The following FGF1 variants were observed in gnomAD, a reference collection of about 807,000 sequenced individuals.
The protein encoded by FGF1 is beta-endothelial cell growth factor.
FGF1 carries 9 observed loss-of-function variants against 13.4 expected under a neutral mutation model. The ratio of observed to expected loss-of-function variants is 0.67; its 90% CI spans 0.40 to 1.17. The LOEUF (loss-of-function observed/expected upper bound fraction) is 1.17, where lower values mean the gene tolerates loss of function less well. Among genes scored for constraint, FGF1 ranks in the 50% most tolerant of loss-of-function variants. FGF1 has a pLI of 0.01. For synonymous variants in FGF1, 93 were observed against 79.0 expected (o/e 1.18, Z -0.94); for missense variants, 156 against 192.7 (o/e 0.81, Z 1.13).
intron 1 of FGF1, chr5:142,621,360 T>C (rs7734065): frequency 2.9e-5 from 4 of 138,408 alleles, no homozygotes; most frequent in African/African-American, 1.1e-4. Context: ...CTTTTTCTCT[T>C]TCTCTTTCTC....
At chr5:142,627,246 T>C (rs1762605318) in intron 1 of FGF1, 1 of 152,164 alleles carries the variant, frequency 6.6e-6, no homozygotes, top group Admixed American at 6.5e-5. Flanking sequence ...TATTTGCTGT[T>C]CCTCTATCAT....
chr5:142,604,912 C>T (rs1757314266), intron 2 of FGF1, among the ~76,000 whole-genome samples: 1 of 152,164 alleles, frequency 6.6e-6, no homozygotes, highest in African/African-American at 2.4e-5. Flanking sequence ...TTCAAGATCA[C>T]ACATGGACAA....
At chr5:142,597,201 C>A (rs975814469) in intron 3 of FGF1, among the ~76,000 whole-genome samples, 13 of 152,174 alleles carry the variant, frequency 8.5e-5, no homozygotes, top group Non-Finnish European at 1.8e-4. Context: ...CAATATGTAT[C>A]AAAATTTACA....
chr5:142,600,906 A>G, intron 2 of FGF1, 101 bp from the exon 3 acceptor site: 1 of 769,564 alleles, frequency 1.3e-6, no homozygotes, highest in Non-Finnish European at 2.2e-6. Context: ...CTGCTCATTC[A>G]TTTCACGGAG....
intron 2 of FGF1, among the ~76,000 whole-genome samples, chr5:142,691,582 C>T (rs1332522315): frequency 6.6e-6 from 1 of 152,168 alleles, no homozygotes; most frequent in African/African-American, 2.4e-5. Context: ...GTTATATACT[C>T]AGTACCGAGA....
chr5:142,632,922 CTTTT>C (rs5871821), intron 1 of FGF1, among the ~76,000 whole-genome samples: 3 of 140,604 alleles, frequency 2.1e-5, no homozygotes. Flanking sequence ...AGGTTGTTTA[CTTTT>C]TTTTTTTTTT....
chr5:142,627,417 C>G (rs1762636827), intron 1 of FGF1, among the ~76,000 whole-genome samples: 1 of 152,224 alleles, frequency 6.6e-6, no homozygotes, highest in South Asian at 2.1e-4. Flanking sequence ...AGGGGCCCAG[C>G]CTCCCTCAAA....
At chr5:142,648,195 T>C (rs1050200409) in intron 1 of FGF1, among the ~76,000 whole-genome samples, 3 of 152,122 alleles carry the variant, frequency 2.0e-5, no homozygotes, top group Non-Finnish European at 4.4e-5. Context: ...AGAACAAGTG[T>C]CTTCACACAC....
At chr5:142,669,433 GT>G (rs551046942) in intron 1 of FGF1, among the ~76,000 whole-genome samples, 83 of 152,344 alleles carry the variant, frequency 5.4e-4, no homozygotes, top group African/African-American at 1.9e-3. Context: ...ATAAATGGCT[GT>G]TGAATTGAAA....
chr5:142,681,752 G>A (rs1773731869), intron 1 of FGF1, among the ~76,000 whole-genome samples: 1 of 152,170 alleles, frequency 6.6e-6, no homozygotes, highest in Admixed American at 6.5e-5. Flanking sequence ...CTGCCACTTG[G>A]TGGCTGTGTG....
chr5:142,691,352 G>A (rs187111787), intron 2 of FGF1, among the ~76,000 whole-genome samples: 114 of 151,898 alleles, frequency 7.5e-4, no homozygotes, highest in Admixed American at 1.6e-3. Context: ...AACCCGGGAG[G>A]TGGAGGTTGC....
rs143779080 is a variant in FGF1 at position 142,638,653 on chromosome 5, G to A, written c.-34-24492C>T. On this transcript the variant is annotated intron_variant, in intron 1 of 3. Coordinates refer to ENST00000337706, the MANE Select transcript of FGF1 (RefSeq NM_000800.5). ...TCATTTTTTGGATATGATTCCAAAA[G>A]CACAGACAACAAAAGCAAAAATAGT... is the stretch of plus-strand genomic sequence containing the variant. Among the ~76,000 whole-genome samples the A allele has an allele frequency of 1.5e-3, 227 of 152,110 alleles. 5 individuals carry two copies. Among genetic ancestry groups the A allele is most frequent in the African/African-American group, 5.2e-3 (217 of 41,402 alleles).
intron 1 of FGF1, among the ~76,000 whole-genome samples, chr5:142,615,389 A>G (rs1561559755): frequency 6.6e-6 from 1 of 152,124 alleles, no homozygotes; most frequent in Non-Finnish European, 1.5e-5. Flanking sequence ...ACACCAGGCT[A>G]ATTTTTATAT....
At position 142,633,816 on chromosome 5, in the gene FGF1, TCTC is replaced by T. The variant is rs560537477; in HGVS notation, c.-34-19658_-34-19656del. Among the ~76,000 whole-genome samples, 429 of 152,200 alleles carry T rather than the reference TCTC, an allele frequency of 2.8e-3. 6 individuals are homozygous for T. Among genetic ancestry groups the T allele is most frequent in the South Asian group, 0.018 (87 of 4,808 alleles). ...GAAGCTCATCCCCTGACTTCTGACC[TCTC>T]CTCCACTCCTGGCATCTGTTCAAAG... On this transcript the variant is annotated intron_variant, in intron 1 of 3. Coordinates refer to ENST00000337706, the MANE Select transcript of FGF1 (RefSeq NM_000800.5).
Position 142,614,020 on chromosome 5 carries a change from G to A in FGF1, c.108C>T (p.His36=). ...TGCCATCCGGAAGGATCCTCAGGAA[G>A]TGGCCCCCGTTGCTACAGTAGAGGA... ...PKLLYCSNGG[H]FLRILPDGTV... The change falls in exon 2 of 4, where the codon CAC becomes CAT. Residue 36 remains histidine (H), a synonymous_variant. Coordinates refer to ENST00000337706, the MANE Select transcript of FGF1 (RefSeq NM_000800.5). The A allele has an allele frequency of 6.2e-7, 1 of 1,614,134 alleles. No homozygotes were observed. The highest frequency in any genetic ancestry group is 8.5e-7 in the Non-Finnish European group (1 of 1,180,012).
chr5:142,671,821 T>G (rs1440572412), intron 1 of FGF1: 1 of 152,220 alleles, frequency 6.6e-6, no homozygotes, highest in Non-Finnish European at 1.5e-5. Context: ...TTTACCTGTT[T>G]TACCTGATTA....
At chr5:142,615,838 T>C (rs1760117617) in intron 1 of FGF1, among the ~76,000 whole-genome samples, 1 of 152,238 alleles carries the variant, frequency 6.6e-6, no homozygotes. Flanking sequence ...TTAGTGACTT[T>C]ATCCACACTA....
At chr5:142,617,346 C>G (rs1760473242) in intron 1 of FGF1, among the ~76,000 whole-genome samples, 1 of 151,842 alleles carries the variant, frequency 6.6e-6, no homozygotes, top group Non-Finnish European at 1.5e-5. Context: ...GCCTGGGCGA[C>G]AGAGCGAGAC....
At chr5:142,604,349 T>G (rs1194499555) in intron 2 of FGF1, among the ~76,000 whole-genome samples, 11 of 152,222 alleles carry the variant, frequency 7.2e-5, no homozygotes, top group Admixed American at 7.2e-4. Flanking sequence ...TGTGTCAATT[T>G]CTCAGCATAA....
Sources: gnomAD v4.1 joint callset for allele counts (sites outside exome capture counted in the v4.1 genomes callset) on GRCh38, gnomAD v4.1.1 for gene constraint, MANE v1.5 for transcripts, NCBI Gene and HGNC (gene_info 2026-07-23, HGNC 2026-07-21) for gene names.